The following FMN2 variants were observed in gnomAD, a reference collection of about 807,000 sequenced individuals.
The protein encoded by FMN2 is formin-2.
FMN2 carries 51 observed loss-of-function variants against 142.3 expected under a neutral mutation model. The observed-to-expected ratio is 0.36, with a 90% confidence interval of 0.29 to 0.45. The LOEUF is 0.45. FMN2 is among the 20% of genes least tolerant of loss of function. The probability of loss-of-function intolerance (pLI) is 1.00; values close to 1 mark genes in which losing one functional copy is unlikely to be tolerated. For synonymous variants in FMN2, 882 were observed against 869.8 expected (o/e 1.01, Z -0.25); for missense variants, 1,936 against 2,122.8 (o/e 0.91, Z 1.73).
At chr1:240,402,428 T>C (rs1057384901) in intron 15 of FMN2, among the ~76,000 whole-genome samples, 1 of 152,262 alleles carries the variant, frequency 6.6e-6, no homozygotes, top group African/African-American at 2.4e-5. Flanking sequence ...AACTGAACTC[T>C]GCAGTTCTCC....
chr1:240,148,971 C>CAAAA (rs57556688), intron 2 of FMN2, among the ~76,000 whole-genome samples: 12 of 143,886 alleles, frequency 8.3e-5, no homozygotes, highest in Admixed American at 2.1e-4. Context: ...GACTCCGTCT[C>CAAAA]AAAAAAAAAT....
intron 2 of FMN2, among the ~76,000 whole-genome samples, chr1:240,163,725 T>C (rs1340401870): frequency 6.6e-6 from 1 of 151,968 alleles, no homozygotes; most frequent in Non-Finnish European, 1.5e-5. Context: ...TAAAGTACTA[T>C]TTTATTGTAT....
At chr1:240,127,146 G>GTC (rs1436127314) in intron 2 of FMN2, among the ~76,000 whole-genome samples, 3 of 150,092 alleles carry the variant, frequency 2.0e-5, no homozygotes, top group Admixed American at 1.3e-4. Context: ...TTGAAACGGA[G>GTC]TCTCGCTCTA....
At chr1:240,143,187 G>T in intron 2 of FMN2, 1 of 1,588,258 alleles carries the variant, frequency 6.3e-7, no homozygotes. Flanking sequence ...GGCATTATTG[G>T]TACCACTGCC....
chr1:240,158,035 C>T (rs1273511926), intron 2 of FMN2, among the ~76,000 whole-genome samples: 1 of 150,770 alleles, frequency 6.6e-6, no homozygotes, highest in Non-Finnish European at 1.5e-5. Flanking sequence ...GTCCCAGCTA[C>T]TTGGAAGGCT....
chr1:240,281,629 T>G (rs1669398397), intron 7 of FMN2, among the ~76,000 whole-genome samples: 1 of 152,224 alleles, frequency 6.6e-6, no homozygotes, highest in Admixed American at 6.5e-5. Context: ...TTTAAAAGCA[T>G]GTCTCTCGAG....
intron 6 of FMN2, among the ~76,000 whole-genome samples, chr1:240,211,507 A>T (rs1666691836): frequency 6.6e-6 from 1 of 152,206 alleles, no homozygotes; most frequent in African/African-American, 2.4e-5. Context: ...TTCTTTCCAG[A>T]ATTAGTTGCC....
intron 13 of FMN2, among the ~76,000 whole-genome samples, chr1:240,336,199 G>A (rs529990986): frequency 6.2e-4 from 95 of 152,100 alleles, no homozygotes; most frequent in Admixed American, 5.9e-4. Context: ...AGCAGCCAGC[G>A]CCTCTGAATA....
intron 16 of FMN2, among the ~76,000 whole-genome samples, chr1:240,443,941 G>A (rs1451448022): frequency 3.3e-5 from 5 of 152,060 alleles, no homozygotes; most frequent in African/African-American, 1.2e-4. Flanking sequence ...CACTAATGAG[G>A]CTCTGTGGAG....
chr1:240,107,058 AAC>A (rs2103187171), intron 1 of FMN2, among the ~76,000 whole-genome samples: 1 of 151,634 alleles, frequency 6.6e-6, no homozygotes, highest in South Asian at 2.1e-4. Context: ...ACACAATTGA[AAC>A]CTCAGATTTA....
chr1:240,201,652 G>A (rs1477278681), intron 4 of FMN2, among the ~76,000 whole-genome samples: 1 of 151,988 alleles, frequency 6.6e-6, no homozygotes, highest in African/African-American at 2.4e-5. Context: ...AATAATTTGT[G>A]CATCTTTCCA....
rs71168898 is a variant in FMN2 at position 240,121,735 on chromosome 1, T to TAAAAAAAAAAAAAA, written c.1616-1426_1616-1413dup. 5.1e-4 allele frequency among the ~76,000 whole-genome samples: 13 copies of TAAAAAAAAAAAAAA among 25,678 alleles called. 2 individuals carry two copies. The highest frequency in any genetic ancestry group is 1.1e-3 in the African/African-American group (7 of 6,614). The allele number at this position is 25,678 out of a possible 152,430, so 16.8% of individuals were successfully genotyped here. A position where few individuals can be genotyped will look rare whatever the true frequency, so the allele number is the denominator to read the frequency against. ...CTCTTGCCTTTTTTTAGGGAAATAGTAAAAAAAAAAAAAAAAAAAAAAAAA... is the reference window on the plus strand; with the variant it reads ...CTCTTGCCTTTTTTTAGGGAAATAGTAAAAAAAAAAAAAAAAAAAAAAAAAAAAAAAAAAAAAAA... On this transcript the variant is annotated intron_variant, in intron 1 of 17. Transcript: ENST00000319653.
chr1:240,123,520 A>G (rs1201565563), intron 2 of FMN2, among the ~76,000 whole-genome samples, 175 bp downstream of exon 2: 3 of 142,340 alleles, frequency 2.1e-5, no homozygotes, highest in Admixed American at 7.3e-5. Flanking sequence ...AAAAAAAAAA[A>G]AAGAAAGAAA....
chr1:240,185,439 C>G (rs1665401045), intron 3 of FMN2, among the ~76,000 whole-genome samples: 2 of 152,070 alleles, frequency 1.3e-5, no homozygotes, highest in Admixed American at 1.3e-4. Flanking sequence ...CAGATTCAAA[C>G]AAATAAAAAC....
At chr1:240,201,574 TATG>T (rs1227603632) in intron 4 of FMN2, among the ~76,000 whole-genome samples, 1 of 152,230 alleles carries the variant, frequency 6.6e-6, no homozygotes, top group Non-Finnish European at 1.5e-5. Flanking sequence ...TAAAAGGTGA[TATG>T]ATGTCATATA....
chr1:240,350,495 G>C (rs1383152467), intron 13 of FMN2, among the ~76,000 whole-genome samples: 1 of 152,162 alleles, frequency 6.6e-6, no homozygotes, highest in Non-Finnish European at 1.5e-5. Flanking sequence ...ATTATAATCA[G>C]AAACAAAGAT....
intron 14 of FMN2, among the ~76,000 whole-genome samples, chr1:240,377,354 T>A (rs147462695): frequency 1.6e-3 from 246 of 152,228 alleles, no homozygotes; most frequent in African/African-American, 5.5e-3. Flanking sequence ...TGTTCTTTTG[T>A]CTTGTGTTTG....
intron 3 of FMN2, among the ~76,000 whole-genome samples, chr1:240,178,505 G>C (rs1665021279): frequency 6.7e-6 from 1 of 150,372 alleles, no homozygotes; most frequent in Non-Finnish European, 1.5e-5. Flanking sequence ...GAGTGCAGTG[G>C]AGCATGACTC....
In FMN2 at chr1:240,207,431, G is replaced by C; in HGVS notation, c.2619G>C (p.Leu873=). 1 of 1,613,684 alleles carries C rather than the reference G, an allele frequency of 6.2e-7. No individual in the cohort carries two copies. The highest frequency in any genetic ancestry group is 8.5e-7 in the Non-Finnish European group (1 of 1,179,808). ...CTESSSSMPG[L]GMVPPPPPPL... Reference sequence around the variant, plus strand: ...AGTCCTCCAGCTCCATGCCTGGCCTGGGCATGGTGCCTCCCCCACCTCCCC... The same window carrying C: ...AGTCCTCCAGCTCCATGCCTGGCCTCGGCATGGTGCCTCCCCCACCTCCCC... Residue 873 remains leucine, a synonymous_variant, in exon 5 of 18, where the codon CTG becomes CTC. Coordinates refer to ENST00000319653, the MANE Select transcript of FMN2 (RefSeq NM_020066.5).
Sources: allele counts gnomAD v4.1 joint callset (sites outside exome capture counted in the v4.1 genomes callset), GRCh38; gene constraint gnomAD v4.1.1; transcripts MANE v1.5; gene names NCBI Gene and HGNC (gene_info 2026-07-23, HGNC 2026-07-21).